ANKS1B: variants seen among roughly 807,000 people sequenced by gnomAD.
The protein encoded by ANKS1B is ankyrin repeat and sterile alpha motif domain containing 1B, also known as ankyrin repeat and sterile alpha motif domain-containing protein 1B.
Under a neutral mutation model 148.3 loss-of-function variants are expected in ANKS1B, and 36 were observed. The observed-to-expected ratio is 0.24, with a 90% CI of 0.19 to 0.32. The LOEUF (loss-of-function observed/expected upper bound fraction) is 0.32, where lower values mean the gene tolerates loss of function less well. ANKS1B is among the 10% of genes least tolerant of loss of function. The pLI is 1.00. For synonymous variants in ANKS1B, 542 were observed against 560.8 expected (o/e 0.97, Z 0.47); for missense variants, 1,157 against 1,542.6 (o/e 0.75, Z 4.19).
intron 9 of ANKS1B, among the ~76,000 whole-genome samples, chr12:99,515,483 C>A (rs981080179): frequency 1.3e-5 from 2 of 152,118 alleles, no homozygotes; most frequent in Non-Finnish European, 2.9e-5. Flanking sequence ...CCAGTTCTAT[C>A]CATGTTGTTG....
At chr12:99,065,642 T>TC (rs1347144418) in intron 16 of ANKS1B, among the ~76,000 whole-genome samples, 1,874 of 30,346 alleles carry the variant, frequency 0.062, 31 homozygotes, top group African/African-American at 0.15. Context: ...ATCCATCCCA[T>TC]CCATCCATCC....
chr12:99,806,431 C>T lies in ANKS1B; in HGVS notation c.642G>A (p.Leu214=). 1 of 1,613,974 alleles carries T rather than the reference C, an allele frequency of 6.2e-7. No homozygotes were observed. Among genetic ancestry groups the T allele is most frequent in the Non-Finnish European group, 8.5e-7 (1 of 1,179,864 alleles). Residue 214 remains leucine, a synonymous_variant, in exon 4 of 27, where the codon CTG becomes CTA. Transcript: ENST00000683438. ...GACAGCTCACATCCATTCCTGCCTC[C>T]AGCAGCACCTGCACGACTGCTTTGT... ...NGHKAVVQVL[L]EAGMDVSCQT...
intron 1 of ANKS1B, among the ~76,000 whole-genome samples, chr12:99,944,101 T>G (rs2094991932): frequency 2.0e-5 from 3 of 152,010 alleles, no homozygotes; most frequent in Non-Finnish European, 4.4e-5. Context: ...CCCCTAAACT[T>G]CAAGAGATCT....
chr12:99,391,258 C>T (rs963035750), intron 12 of ANKS1B, among the ~76,000 whole-genome samples: 1 of 152,168 alleles, frequency 6.6e-6, no homozygotes, highest in African/African-American at 2.4e-5. Context: ...CATCTCTCTT[C>T]GTTTAAAACA....
intron 24 of ANKS1B, among the ~76,000 whole-genome samples, chr12:98,779,962 A>G (rs2098717654): frequency 6.6e-6 from 1 of 152,310 alleles, no homozygotes; most frequent in Admixed American, 6.5e-5. Flanking sequence ...TTGTTTTCCC[A>G]AGCAGATTTG....
intron 12 of ANKS1B, among the ~76,000 whole-genome samples, chr12:99,359,122 T>A (rs1228951129): frequency 6.6e-6 from 1 of 152,192 alleles, no homozygotes; most frequent in Non-Finnish European, 1.5e-5. Flanking sequence ...ATTTCATCCA[T>A]TTATTCATTC....
chr12:99,892,342 G>A (rs1225460191), intron 1 of ANKS1B, among the ~76,000 whole-genome samples: 3 of 152,086 alleles, frequency 2.0e-5, no homozygotes, highest in African/African-American at 7.2e-5. Context: ...CACACCGAAT[G>A]CATGCATTAA....
chr12:99,737,418 G>T (rs2059712906), intron 8 of ANKS1B, among the ~76,000 whole-genome samples: 1 of 152,036 alleles, frequency 6.6e-6, no homozygotes, highest in Admixed American at 6.6e-5. Context: ...TATGTTAAGT[G>T]AAATAAGCTA....
At chr12:98,766,317 G>A (rs142307913) in intron 25 of ANKS1B, among the ~76,000 whole-genome samples, 67 of 152,236 alleles carry the variant, frequency 4.4e-4, no homozygotes, top group African/African-American at 1.5e-3. Flanking sequence ...ATTGGAATGC[G>A]ATGCTGTCTT....
chr12:98,858,928 C>T (rs529082473), intron 17 of ANKS1B, among the ~76,000 whole-genome samples: 14 of 152,230 alleles, frequency 9.2e-5, no homozygotes, highest in African/African-American at 2.6e-4. Context: ...TACATTATCA[C>T]CTTATATTAT....
At chr12:99,834,505 T>A (rs1441065032) in intron 1 of ANKS1B, among the ~76,000 whole-genome samples, 1 of 152,208 alleles carries the variant, frequency 6.6e-6, no homozygotes, top group Admixed American at 6.5e-5. Flanking sequence ...ACAAATCAGA[T>A]TAGTAGATTT....
At chr12:99,512,965 A>G (rs1269585067) in intron 9 of ANKS1B, among the ~76,000 whole-genome samples, 1 of 151,942 alleles carries the variant, frequency 6.6e-6, no homozygotes, top group Non-Finnish European at 1.5e-5. Context: ...TACCTAGGTG[A>G]TAGGCTGATC....
chr12:99,614,357 T>C (rs1417754846), intron 9 of ANKS1B, among the ~76,000 whole-genome samples: 1 of 151,300 alleles, frequency 6.6e-6, no homozygotes, highest in Non-Finnish European at 1.5e-5. Flanking sequence ...ATCACTTGAA[T>C]GCAGGAGGCG....
chr12:98,795,236 A>G (rs561701610), intron 22 of ANKS1B, among the ~76,000 whole-genome samples: 21 of 152,362 alleles, frequency 1.4e-4, no homozygotes, highest in Admixed American at 7.2e-4. Context: ...AGGATACAAC[A>G]AGGAACTAAC....
At chr12:99,646,743 G>A (rs2098371951) in intron 9 of ANKS1B, among the ~76,000 whole-genome samples, 1 of 147,896 alleles carries the variant, frequency 6.8e-6, no homozygotes, top group Non-Finnish European at 1.5e-5. Context: ...GTTATCATGT[G>A]TACTGTCATT....
At chr12:98,845,965 C>CAT (rs149926433) in intron 17 of ANKS1B, among the ~76,000 whole-genome samples, 25,565 of 98,498 alleles carry the variant, frequency 0.26, 2,473 homozygotes, top group East Asian at 0.41. Context: ...TAGAATTCTT[C>CAT]ATATATATAT....
chr12:99,012,841 A>G, intron 17 of ANKS1B, among the ~76,000 whole-genome samples: 1 of 152,102 alleles, frequency 6.6e-6, no homozygotes, highest in East Asian at 1.9e-4. Context: ...GAATGTTGAG[A>G]CTCTGTTAAG....
intron 12 of ANKS1B, among the ~76,000 whole-genome samples, chr12:99,315,614 G>C (rs2083932167): frequency 6.6e-6 from 1 of 152,138 alleles, no homozygotes; most frequent in Admixed American, 6.5e-5. Flanking sequence ...TCCTTTTAAA[G>C]TATGCCATTT....
In ANKS1B at chr12:99,624,081, C is replaced by A. The variant is rs187098581; in HGVS notation, c.1272+30986G>T. The stretch of plus-strand genomic sequence containing the variant: ...ACATATAAACCAAGGGAACAGAATA[C>A]AGAACCCTGAAATAAAGCCACACAT... On this transcript the variant is annotated intron_variant, in intron 9 of 26. Coordinates refer to ENST00000683438, the MANE Select transcript of ANKS1B (RefSeq NM_001352186.2). Among the ~76,000 whole-genome samples, 220 of 152,038 alleles carry A rather than the reference C, an allele frequency of 1.4e-3. 1 individual carries two copies. The highest frequency in any genetic ancestry group is 5.1e-3 in the African/African-American group (210 of 41,530).
Sources: gnomAD v4.1 joint callset for allele counts (sites outside exome capture counted in the v4.1 genomes callset) on GRCh38, gnomAD v4.1.1 for gene constraint, MANE v1.5 for transcripts, NCBI Gene and HGNC (gene_info 2026-07-23, HGNC 2026-07-21) for gene names.